UTRN: variants seen among roughly 807,000 people sequenced by gnomAD.
UTRN encodes dystrophin-related protein 1.
In UTRN, 283 loss-of-function variants were observed where a neutral mutation model predicts 463.9. That is an observed-to-expected ratio of 0.61 (90% CI 0.55 to 0.67). The LOEUF (loss-of-function observed/expected upper bound fraction) is 0.67, where lower values mean the gene tolerates loss of function less well. Ranked by LOEUF, UTRN falls within the 30% of genes least tolerant of loss-of-function variation. UTRN has a pLI of 0.00. For synonymous variants in UTRN, 1,442 were observed against 1,431.5 expected, an observed-to-expected ratio of 1.01 and a Z score of -0.17; for missense variants, 3,922 against 4,084.3, an observed-to-expected ratio of 0.96 and a Z score of 1.08.
intron 59 of UTRN, 48 bp downstream of exon 59, chr6:144,772,016 G>GT (rs748399313): frequency 0.01 from 1,283 of 127,546 alleles, 466 homozygotes; most frequent in Non-Finnish European, 0.017. Context: ...CTGAGAACCG[G>GT]TTTTTTTTTT....
intron 50 of UTRN, among the ~76,000 whole-genome samples, chr6:144,562,996 C>A (rs1800072751): frequency 6.6e-6 from 1 of 152,042 alleles, no homozygotes. Flanking sequence ...ACATAAATGT[C>A]CTCTTTTGAG....
rs1782490964 is a variant in UTRN, at chr6:144,851,652, AT to A, written c.*658del. On this transcript the variant is annotated 3_prime_UTR_variant, in exon 75 of 75. Coordinates refer to ENST00000367545, the MANE Select transcript of UTRN (RefSeq NM_007124.3). ...AGCCCTGTGTATGCCGTTTAACTTT[AT>A]TTGACGTTGCCCACTTACTTCTTTG... is the stretch of plus-strand genomic sequence containing the variant. 1 of 152,160 alleles carries A rather than the reference AT, an allele frequency of 6.6e-6. No homozygotes were observed. Among genetic ancestry groups the A allele is most frequent in the Admixed American group, 6.5e-5 (1 of 15,270 alleles). The allele number at this position is 152,160 out of a possible 1,614,324, so 9.4% of individuals were successfully genotyped here.
intron 52 of UTRN, among the ~76,000 whole-genome samples, chr6:144,686,602 A>C (rs1782784069): frequency 6.6e-6 from 1 of 152,088 alleles, no homozygotes; most frequent in African/African-American, 2.4e-5. Context: ...TTAGGATTGT[A>C]GTATCTTCTT....
Position 144,537,516 on chromosome 6 carries a change from A to G in UTRN, c.6234-66A>G, listed in dbSNP as rs372997922. ...ATATTTAGTCAGGATATTCAAAGCA[A>G]ATATGTAAGGTTCTGCTTAATTGGA... On this transcript the variant is annotated intron_variant, in intron 43 of 74. Transcript: ENST00000367545. 9.2e-5 allele frequency: 112 copies of G among 1,211,804 alleles called. 1 individual carries two copies. The East Asian group carries it at 2.3e-3, about 25-fold the overall frequency. 75.1% of individuals were successfully genotyped at this position (1,211,804 alleles called of 1,614,324 possible).
At chr6:144,558,553 G>A (rs920669142) in intron 50 of UTRN, among the ~76,000 whole-genome samples, 11 of 152,096 alleles carry the variant, frequency 7.2e-5, no homozygotes, top group African/African-American at 2.4e-4. Flanking sequence ...AATGGGTGCA[G>A]CACACCGACA....
At chr6:144,313,705 AC>A (rs1185899662) in intron 2 of UTRN, among the ~76,000 whole-genome samples, 3 of 152,178 alleles carry the variant, frequency 2.0e-5, no homozygotes, top group Admixed American at 6.5e-5. Context: ...GAGTACTAGG[AC>A]CCTGTGCCTC....
chr6:144,513,151 G>T (rs1242285958), intron 35 of UTRN, among the ~76,000 whole-genome samples: 1 of 152,188 alleles, frequency 6.6e-6, no homozygotes, highest in Non-Finnish European at 1.5e-5. Context: ...TTAAGGGCTG[G>T]TGATACTGAG....
At chr6:144,637,288 A>G (rs1378555289) in intron 51 of UTRN, among the ~76,000 whole-genome samples, 2 of 152,262 alleles carry the variant, frequency 1.3e-5, no homozygotes, top group African/African-American at 4.8e-5. Context: ...CTTGATTTCT[A>G]TCATATTGTG....
At chr6:144,707,405 A>C (rs1335781107) in intron 53 of UTRN, among the ~76,000 whole-genome samples, 1 of 152,218 alleles carries the variant, frequency 6.6e-6, no homozygotes, top group Admixed American at 6.5e-5. Flanking sequence ...ATCAGGGAAG[A>C]AATCATGTCT....
At chr6:144,377,648 T>C (rs1780580936) in intron 2 of UTRN, among the ~76,000 whole-genome samples, 1 of 152,192 alleles carries the variant, frequency 6.6e-6, no homozygotes, top group South Asian at 2.1e-4. Flanking sequence ...CTGTGAACAC[T>C]GTTGTGGGGC....
At chr6:144,361,774 T>TTC (rs1192334750) in intron 2 of UTRN, among the ~76,000 whole-genome samples, 6 of 143,742 alleles carry the variant, frequency 4.2e-5, no homozygotes, top group South Asian at 2.2e-4. Flanking sequence ...CTTTCTTTCT[T>TTC]TTTTTTTTTT....
intron 25 of UTRN, among the ~76,000 whole-genome samples, chr6:144,479,231 G>A (rs927459047): frequency 2.1e-5 from 3 of 145,052 alleles, no homozygotes; most frequent in African/African-American, 7.7e-5. Flanking sequence ...CAATTCTCCC[G>A]CCTCTACCTC....
intron 58 of UTRN, among the ~76,000 whole-genome samples, chr6:144,767,139 G>A (rs1793449232): frequency 6.6e-6 from 1 of 152,110 alleles, no homozygotes; most frequent in Non-Finnish European, 1.5e-5. Flanking sequence ...CTGTTTTGGA[G>A]TTTGGGAAAG....
At chr6:144,583,647 A>G in intron 51 of UTRN, 3 of 558,864 alleles carry the variant, frequency 5.4e-6, no homozygotes, top group Non-Finnish European at 6.7e-6. Flanking sequence ...TGACAGTTCT[A>G]CTGTTTCTCA....
At chr6:144,817,526 T>C (rs928181864) in intron 65 of UTRN, among the ~76,000 whole-genome samples, 4 of 152,066 alleles carry the variant, frequency 2.6e-5, no homozygotes, top group African/African-American at 9.7e-5. Context: ...TTTCTTTTTC[T>C]TTTTTTCCAA....
chr6:144,699,473 GTTTTTTTTTTTTTTTT>G (rs71024902), intron 52 of UTRN, among the ~76,000 whole-genome samples: 1,917 of 67,780 alleles, frequency 0.028, 53 homozygotes, highest in Admixed American at 0.045. Flanking sequence ...TTAGTCAGTG[GTTTTTTTTTTTTTTTT>G]TTTTTTTTTT....
chr6:144,700,354 C>G (rs80331826), intron 53 of UTRN, 111 bp downstream of exon 53: 32 of 982,290 alleles, frequency 3.3e-5, no homozygotes, highest in East Asian at 2.2e-4. Flanking sequence ...CAGGATTCCC[C>G]CCCCCACCAC....
In UTRN at chr6:144,485,517, G is replaced by C; in HGVS notation, c.3820G>C (p.Glu1274Gln). The C allele has an allele frequency of 6.2e-7, 1 of 1,612,726 alleles. No homozygotes were observed. The highest frequency in any genetic ancestry group is 8.5e-7 in the Non-Finnish European group (1 of 1,179,542). The change falls in exon 28 of 75, where the codon GAG becomes CAG. Residue 1274 changes from glutamate to glutamine, a missense_variant and splice_region_variant. This residue lies in a region of UTRN where 2,349 missense variants were observed against 2,303.8 expected (regional missense o/e 1.02). Coordinates refer to ENST00000367545, the MANE Select transcript of UTRN (RefSeq NM_007124.3). ...GACGGATGCTGTCAACGAAGCCCTG[G>C]AGGTTGGAACCCGTGATCTCCACGG... Reference protein sequence around the residue: ...EKTDAVNEALESLESVLRHPA... With the variant: ...EKTDAVNEALQSLESVLRHPA...
At chr6:144,847,328 C>T (rs1014344391) in intron 74 of UTRN, among the ~76,000 whole-genome samples, 3 of 152,104 alleles carry the variant, frequency 2.0e-5, no homozygotes, top group Admixed American at 6.5e-5. Flanking sequence ...GTTTACTTTG[C>T]CAAGGTTGAG....
Sources: gnomAD v4.1 joint callset for allele counts (sites outside exome capture counted in the v4.1 genomes callset) on GRCh38, gnomAD v4.1.1 for gene constraint, gnomAD v4.1.1 regional missense constraint, MANE v1.5 for transcripts, NCBI Gene and HGNC (gene_info 2026-07-23, HGNC 2026-07-21) for gene names.